Variants in ZC3H7B observed in about 807,000 individuals in gnomAD.
ZC3H7B encodes the protein zinc finger CCCH domain-containing protein 7B.
ZC3H7B carries 35 observed loss-of-function variants against 116.0 expected under a neutral mutation model. The observed-to-expected ratio is 0.30, with a 90% CI of 0.23 to 0.40. The LOEUF (loss-of-function observed/expected upper bound fraction) is 0.40. ZC3H7B is among the 10% of genes least tolerant of loss of function. ZC3H7B has a pLI of 1.00. For synonymous variants in ZC3H7B, 502 were observed against 545.6 expected (o/e 0.92, Z 1.11); for missense variants, 1,011 against 1,321.5 (o/e 0.77, Z 3.64).
Position 41,327,899 on chromosome 22 carries a change from G to A in ZC3H7B, c.444+535G>A, listed in dbSNP as rs1400423906. Among the ~76,000 whole-genome samples the A allele has an allele frequency of 6.6e-6, 1 of 152,214 alleles. No homozygotes were observed. Among genetic ancestry groups the A allele is most frequent in the Admixed American group, 6.5e-5 (1 of 15,278 alleles). On this transcript the variant is annotated intron_variant, in intron 5 of 22. Transcript: ENST00000352645. The surrounding 1 kb of genome is among the most constrained non-coding windows in gnomAD (Gnocchi z 4.5). Reference sequence around the variant, plus strand: ...AGCACTGTGGGAGGCCAAGGCGGGAGGATCACTTGAGCTCAGGAGTTTGCA... The same window carrying A: ...AGCACTGTGGGAGGCCAAGGCGGGAAGATCACTTGAGCTCAGGAGTTTGCA...
intron 7 of ZC3H7B, chr22:41,335,486 G>A (rs1448687162): frequency 6.6e-6 from 1 of 152,326 alleles, no homozygotes; most frequent in Non-Finnish European, 1.5e-5. Context: ...AGGTGACTTT[G>A]TCCTGCGTGG....
chr22:41,307,230 C>G (rs1022147915), intron 1 of ZC3H7B, among the ~76,000 whole-genome samples: 1 of 152,146 alleles, frequency 6.6e-6, no homozygotes, highest in Non-Finnish European at 1.5e-5. Context: ...CCCGCCTTGG[C>G]CTCCCTACTG....
In ZC3H7B at chr22:41,355,874, G is replaced by A. The variant is rs769680979; in HGVS notation, c.2274+12G>A. 2 of 1,613,484 alleles carry A rather than the reference G, an allele frequency of 1.2e-6. No homozygotes were observed. Among genetic ancestry groups the A allele is most frequent in the Non-Finnish European group, 1.7e-6 (2 of 1,179,816 alleles). Reference sequence around the variant, plus strand: ...CACAGCAATACGATGTGAGCGCTGGGATGGGGGGCTGGGGGTCCCCCAGGA... The same window carrying A: ...CACAGCAATACGATGTGAGCGCTGGAATGGGGGGCTGGGGGTCCCCCAGGA... On this transcript the variant is annotated intron_variant, in intron 19 of 22. Transcript: ENST00000352645.
intron 1 of ZC3H7B, among the ~76,000 whole-genome samples, chr22:41,319,033 C>T (rs920372974): frequency 6.6e-6 from 1 of 152,176 alleles, no homozygotes; most frequent in Non-Finnish European, 1.5e-5. Flanking sequence ...CTTTGGGAGG[C>T]TGAGATGGGT....
rs1205661931 is a variant in ZC3H7B at position 41,349,526 on chromosome 22, G to C, written c.1948+225G>C. Among the ~76,000 whole-genome samples the C allele has an allele frequency of 6.6e-6, 1 of 152,162 alleles. No homozygotes were observed. The highest frequency in any genetic ancestry group is 1.5e-5 in the Non-Finnish European group (1 of 68,010). ...CTCTCAGGGCGCTTCCAGGCTCGGA[G>C]ATCTGGGTTTTTCCCTTCGTAGGCA... On this transcript the variant is annotated intron_variant, in intron 16 of 22. Transcript: ENST00000352645. This position sits in a 1 kb window ranked among gnomAD's most constrained non-coding sequence, Gnocchi z 4.9.
rs550645862 is a variant in ZC3H7B at position 41,360,108 on chromosome 22, C to T, written c.*2679C>T. The T allele has an allele frequency of 6.6e-6, 1 of 152,298 alleles. No individual in the cohort carries two copies. The highest frequency in any genetic ancestry group is 1.9e-4 in the East Asian group (1 of 5,190). The allele number at this position is 152,298 out of a possible 1,614,324, so 9.4% of individuals were successfully genotyped here. A position where few individuals can be genotyped will look rare whatever the true frequency, so the allele number is the denominator to read the frequency against. The stretch of plus-strand genomic sequence containing the variant: ...AAATAAAATGAAAGAAACTTGCTTC[C>T]CTTAGCCTTTGTTCTAGAAAATAAA... On this transcript the variant is annotated 3_prime_UTR_variant, in exon 23 of 23. Transcript: ENST00000352645.
chr22:41,348,361 C>T (rs1227698520), intron 15 of ZC3H7B, among the ~76,000 whole-genome samples, 194 bp downstream of exon 15: 1 of 152,222 alleles, frequency 6.6e-6, no homozygotes, highest in African/African-American at 2.4e-5. Context: ...CTACTATATT[C>T]CAAGCGTCAT....
At chr22:41,347,767 G>T (rs2036605706) in intron 14 of ZC3H7B, among the ~76,000 whole-genome samples, 1 of 152,196 alleles carries the variant, frequency 6.6e-6, no homozygotes, top group Non-Finnish European at 1.5e-5. Context: ...AGTTCATAAA[G>T]AACTTGCCAT....
At chr22:41,348,006 C>T (rs1444514519) in intron 14 of ZC3H7B, 61 bp from the exon 15 acceptor site, 3 of 1,447,802 alleles carry the variant, frequency 2.1e-6, no homozygotes, top group East Asian at 2.3e-5. Flanking sequence ...TGTGTGGGGT[C>T]CCAGCTCACC....
At chr22:41,307,659 C>CCA (rs1601759263) in intron 1 of ZC3H7B, among the ~76,000 whole-genome samples, 1 of 152,176 alleles carries the variant, frequency 6.6e-6, no homozygotes, top group East Asian at 1.9e-4. Flanking sequence ...ATGGTTAACA[C>CCA]CACTGTATAC....
intron 1 of ZC3H7B, among the ~76,000 whole-genome samples, chr22:41,316,367 C>T: frequency 6.7e-6 from 1 of 149,014 alleles, no homozygotes; most frequent in African/African-American, 2.5e-5. Flanking sequence ...GTGATCTTGG[C>T]TCACTGCAAC....
chr22:41,302,619 G>C lies in ZC3H7B; in HGVS notation c.-7+847G>C, dbSNP rs1293869306. On this transcript the variant is annotated intron_variant, in intron 1 of 22. Transcript: ENST00000352645. This position sits in a 1 kb window ranked among gnomAD's most constrained non-coding sequence, Gnocchi z 5.7. ...TGCGAACCTCAGGGCCCCCCTCCGGGTTTGCTCCCTCCTCCTTTCCCCTCC... is the reference window on the plus strand; with the variant it reads ...TGCGAACCTCAGGGCCCCCCTCCGGCTTTGCTCCCTCCTCCTTTCCCCTCC... 6.6e-6 allele frequency among the ~76,000 whole-genome samples: 1 copy of C among 152,212 alleles called. No homozygotes were observed. The highest frequency in any genetic ancestry group is 2.4e-5 in the African/African-American group (1 of 41,460).
At position 41,338,367 on chromosome 22, in the gene ZC3H7B, G is replaced by T. The variant is rs781161293; in HGVS notation, c.625+12G>T. ...TGACATCGAAACAGGTAATGTCCCC[G>T]ATACGAGGGAACAAGTGGAAATTGG... is the stretch of plus-strand genomic sequence containing the variant. On this transcript the variant is annotated intron_variant, in intron 8 of 22. Transcript: ENST00000352645. This position sits in a 1 kb window ranked among gnomAD's most constrained non-coding sequence, Gnocchi z 4.5. The T allele has an allele frequency of 1.9e-6, 3 of 1,612,966 alleles. No homozygotes were observed. The highest frequency in any genetic ancestry group is 2.5e-6 in the Non-Finnish European group (3 of 1,179,516).
rs2036749256 is a variant in ZC3H7B at position 41,358,511 on chromosome 22, G to GCCGCA, written c.*1082_*1083insCCGCA. On this transcript the variant is annotated 3_prime_UTR_variant, in exon 23 of 23. Transcript: ENST00000352645. ...GTGTGAGGTGTGGGAGGTGGGAAGG[G>GCCGCA]TGAGGGTCTGGGGGAATGCGGAGAA... 6.6e-6 allele frequency: 1 copy of GCCGCA among 152,384 alleles called. No individual in the cohort carries two copies. Among genetic ancestry groups the GCCGCA allele is most frequent in the African/African-American group, 2.4e-5 (1 of 41,444 alleles). The allele number at this position is 152,384 out of a possible 1,614,324, so 9.4% of individuals were successfully genotyped here. A position where few individuals can be genotyped will look rare whatever the true frequency, so the allele number is the denominator to read the frequency against.
In ZC3H7B at chr22:41,357,609, G is replaced by A. The variant is rs954109645; in HGVS notation, c.*180G>A. On this transcript the variant is annotated 3_prime_UTR_variant, in exon 23 of 23. Coordinates refer to ENST00000352645, the MANE Select transcript of ZC3H7B (RefSeq NM_017590.6). The surrounding 1 kb of genome is among the most constrained non-coding windows in gnomAD (Gnocchi z 5.4). Reference sequence around the variant, plus strand: ...ACCGCCCCGGTGTGCGTACCCAGGCGCACGTGCTGCAGCCCCCGGAGGCCC... The same window carrying A: ...ACCGCCCCGGTGTGCGTACCCAGGCACACGTGCTGCAGCCCCCGGAGGCCC... The A allele has an allele frequency of 1.4e-5, 12 of 856,406 alleles. No individual in the cohort carries two copies. The highest frequency in any genetic ancestry group is 2.7e-5 in the East Asian group (1 of 37,314). 53.1% of individuals were successfully genotyped at this position (856,406 alleles called of 1,614,324 possible). A position where few individuals can be genotyped will look rare whatever the true frequency, so the allele number is the denominator to read the frequency against.
In ZC3H7B at chr22:41,338,419, C is replaced by T; in HGVS notation, c.625+64C>T. On this transcript the variant is annotated intron_variant, in intron 8 of 22. Transcript: ENST00000352645. This position sits in a 1 kb window ranked among gnomAD's most constrained non-coding sequence, Gnocchi z 4.5. ...GCCCCGAGAGGTCAGGGGAGTCGAG[C>T]CCCCTCCCCATCCCAGCCCTGTAGA... 6.4e-7 allele frequency: 1 copy of T among 1,555,974 alleles called. No homozygotes were observed. Among genetic ancestry groups the T allele is most frequent in the Non-Finnish European group, 8.8e-7 (1 of 1,138,062 alleles).
rs1484305460 is a variant in ZC3H7B, at chr22:41,327,269, C to A, written c.349C>A (p.Arg117=). 1.2e-6 allele frequency: 2 copies of A among 1,614,030 alleles called. No homozygotes were observed. The highest frequency in any genetic ancestry group is 2.2e-5 in the East Asian group (1 of 44,892). Residue 117 remains arginine, a synonymous_variant, in exon 5 of 23, where the codon CGG becomes AGG. Transcript: ENST00000352645. This position sits in a 1 kb window ranked among gnomAD's most constrained non-coding sequence, Gnocchi z 4.5. ...GCTGGGCCTGGACAGTGAGAGTATC[C>A]GGGCGTTGTTCCGCAAGGCACGCGC... The part of the protein sequence containing the change: ...KALGLDSESI[R]ALFRKARALN...
rs57147100 is a variant in ZC3H7B, at chr22:41,309,008, C to CTTTTTTT, written c.-7+7251_-7+7257dup. 1.8e-4 allele frequency among the ~76,000 whole-genome samples: 19 copies of CTTTTTTT among 103,286 alleles called. 1 individual carries two copies. Among genetic ancestry groups the CTTTTTTT allele is most frequent in the Admixed American group, 4.5e-4 (3 of 6,640 alleles). The allele number at this position is 103,286 out of a possible 152,430, so 67.8% of individuals were successfully genotyped here. ...GGGCCTTCCCTAAACTCCCAGTCTGCTTTTTTTTTTTTTTTTTTTTTGAGA... is the reference window on the plus strand; with the variant it reads ...GGGCCTTCCCTAAACTCCCAGTCTGCTTTTTTTTTTTTTTTTTTTTTTTTTTTTGAGA... On this transcript the variant is annotated intron_variant, in intron 1 of 22. Transcript: ENST00000352645.
chr22:41,321,182 G>C (rs1442544854), intron 2 of ZC3H7B, among the ~76,000 whole-genome samples: 1 of 151,562 alleles, frequency 6.6e-6, no homozygotes, highest in Non-Finnish European at 1.5e-5. Context: ...ATGTAGCTGG[G>C]AGCATAGGTG....
Sources: allele counts gnomAD v4.1 joint callset (sites outside exome capture counted in the v4.1 genomes callset), GRCh38; gene constraint gnomAD v4.1.1; non-coding constraint Gnocchi (gnomAD v3.1); transcripts MANE v1.5; gene names NCBI Gene and HGNC (gene_info 2026-07-23, HGNC 2026-07-21).